The following ORC2 variants were observed in gnomAD, a reference collection of about 807,000 sequenced individuals.
ORC2 encodes origin recognition complex protein 2 homolog.
ORC2 carries 37 observed loss-of-function variants against 77.7 expected under a neutral mutation model. That is an observed-to-expected ratio of 0.48 (90% CI 0.37 to 0.63). The LOEUF (loss-of-function observed/expected upper bound fraction) is 0.63. Among genes scored for constraint, ORC2 ranks in the 20% least tolerant of loss-of-function variants. ORC2 has a pLI of 0.00. For missense variants in ORC2, 557 were observed against 661.9 expected, an observed-to-expected ratio of 0.84 and a Z score of 1.74; for synonymous variants, 201 against 229.5, an observed-to-expected ratio of 0.88 and a Z score of 1.12.
At position 200,932,109 on chromosome 2, in the gene ORC2, G is replaced by A. The variant is rs1048856726; in HGVS notation, c.808-661C>T. 2.0e-5 allele frequency among the ~76,000 whole-genome samples: 3 copies of A among 150,958 alleles called. No homozygotes were observed. The East Asian group carries it at 6.0e-4, about 30-fold the overall frequency. ...TTCCAGGTACTCTGGCTTGTACTGT[G>A]TTTATTTAGTCACAGTTAAAGCAAA... On this transcript the variant is annotated intron_variant, in intron 10 of 17. Coordinates refer to ENST00000234296, the MANE Select transcript of ORC2 (RefSeq NM_006190.5).
chr2:200,952,152 A>C (rs1481429702), intron 4 of ORC2, among the ~76,000 whole-genome samples: 4 of 152,060 alleles, frequency 2.6e-5, no homozygotes, highest in African/African-American at 4.8e-5. Context: ...TCTAGTTTTC[A>C]TATATGCACA....
chr2:200,918,591 C>T (rs1325920277), intron 15 of ORC2, among the ~76,000 whole-genome samples: 1 of 148,832 alleles, frequency 6.7e-6, no homozygotes, highest in Non-Finnish European at 1.5e-5. Flanking sequence ...TGGGTTCAAG[C>T]GATTCTCCCA....
chr2:200,925,955 G>A (rs1427062628), intron 12 of ORC2, 23 bp from the exon 13 acceptor site: 1 of 1,038,468 alleles, frequency 9.6e-7, no homozygotes, highest in Non-Finnish European at 1.5e-6. Context: ...TGTGGAAGAG[G>A]TACCACATTA....
intron 6 of ORC2, among the ~76,000 whole-genome samples, chr2:200,941,495 T>TAAAAAAAAAAAAAAAA (rs762042280): frequency 9.5e-6 from 1 of 105,070 alleles, no homozygotes; most frequent in Non-Finnish European, 2.1e-5. Context: ...AATTAAAAAT[T>TAAAAAAAAAAAAAAAA]AAAAAAAAAA....
At chr2:200,953,384 C>CG (rs980585548) in intron 4 of ORC2, among the ~76,000 whole-genome samples, 1 of 150,292 alleles carries the variant, frequency 6.7e-6, no homozygotes, top group African/African-American at 2.4e-5. Flanking sequence ...ATAAAACCAC[C>CG]GCCTCATATC....
In ORC2 at chr2:200,945,146, T is replaced by C. The variant is rs3963301; in HGVS notation, c.329-2369A>G. 4.3e-3 allele frequency among the ~76,000 whole-genome samples: 651 copies of C among 152,368 alleles called. 4 individuals are homozygous for C. The highest frequency in any genetic ancestry group is 6.6e-3 in the Non-Finnish European group (452 of 68,034). ...GCTGACCTTTGCTCTGTATTAATCA[T>C]CTACATGCACACTTTCAATGCATGT... On this transcript the variant is annotated intron_variant, in intron 5 of 17. Coordinates refer to ENST00000234296, the MANE Select transcript of ORC2 (RefSeq NM_006190.5).
At chr2:200,917,152 G>A (rs2040671073) in intron 15 of ORC2, among the ~76,000 whole-genome samples, 4 of 151,638 alleles carry the variant, frequency 2.6e-5, no homozygotes. Context: ...GCACCACCAT[G>A]CCCAGCTGAT....
At chr2:200,914,791 T>A (rs1441160633) in intron 15 of ORC2, among the ~76,000 whole-genome samples, 2 of 152,002 alleles carry the variant, frequency 1.3e-5, no homozygotes, top group Non-Finnish European at 2.9e-5. Flanking sequence ...TTTAGGTTAG[T>A]GTTGGTAGAA....
At chr2:200,918,483 T>C (rs913161199) in intron 15 of ORC2, among the ~76,000 whole-genome samples, 2 of 151,892 alleles carry the variant, frequency 1.3e-5, no homozygotes, top group African/African-American at 4.8e-5. Flanking sequence ...TTTTTTCTTT[T>C]TTCTTCTTTC....
chr2:200,935,218 G>A (rs1383481664), intron 9 of ORC2, among the ~76,000 whole-genome samples: 1 of 152,144 alleles, frequency 6.6e-6, no homozygotes, highest in Admixed American at 6.5e-5. Context: ...TGCCTCCTGG[G>A]TTCCAGCAAT....
chr2:200,956,690 T>G (rs920087053), intron 4 of ORC2, among the ~76,000 whole-genome samples: 4 of 152,128 alleles, frequency 2.6e-5, no homozygotes, highest in Admixed American at 2.6e-4. Flanking sequence ...GAGGATCTCC[T>G]GAACCCAGAA....
rs780424764 is a variant in ORC2 at position 200,911,334 on chromosome 2, A to G, written c.1701T>C (p.Thr567=). Residue 567 remains threonine (T), a synonymous_variant, in exon 18 of 18, where the codon ACT becomes ACC. Coordinates refer to ENST00000234296, the MANE Select transcript of ORC2 (RefSeq NM_006190.5). ...CCTCTTCTTCCTTTTCCAAGAAATCAGTCAATGTTCCATTATCAACAGGAA... is the reference window on the plus strand; with the variant it reads ...CCTCTTCTTCCTTTTCCAAGAAATCGGTCAATGTTCCATTATCAACAGGAA... ...LLIPVDNGTL[T]DFLEKEEEEA 1 of 1,609,566 alleles carries G rather than the reference A, an allele frequency of 6.2e-7. No homozygotes were observed. The highest frequency in any genetic ancestry group is 1.1e-5 in the South Asian group (1 of 90,962).
intron 1 of ORC2, among the ~76,000 whole-genome samples, chr2:200,961,351 G>C (rs1245016970): frequency 6.6e-6 from 1 of 151,216 alleles, no homozygotes; most frequent in Non-Finnish European, 1.5e-5. Flanking sequence ...TGTAGAGACG[G>C]GGTTTCCCCA....
chr2:200,935,273 T>A (rs1054995120), intron 9 of ORC2, among the ~76,000 whole-genome samples: 10 of 152,092 alleles, frequency 6.6e-5, no homozygotes, highest in Non-Finnish European at 1.3e-4. Flanking sequence ...CAGGCACACA[T>A]CACCACACCT....
In ORC2 at chr2:200,921,089, A is replaced by T. The variant is rs1278217197; in HGVS notation, c.1198T>A (p.Leu400Met). The change falls in exon 14 of 18, where the codon TTG (leucine) becomes ATG (methionine). Residue 400 changes from leucine (L) to methionine (M), a missense_variant. By Grantham distance (15) the Leu-to-Met change is conservative. Coordinates refer to ENST00000234296, the MANE Select transcript of ORC2 (RefSeq NM_006190.5). ...ATTTGCTGGCTCTTCTCTCCTCTCAACATCTGGCTATCCAAATTGTGGATG... is the reference window on the plus strand; with the variant it reads ...ATTTGCTGGCTCTTCTCTCCTCTCATCATCTGGCTATCCAAATTGTGGATG... ...LLIHNLDSQM[L>M]RGEKSQQIIG... 1 of 1,609,220 alleles carries T rather than the reference A, an allele frequency of 6.2e-7. No homozygotes were observed. The highest frequency in any genetic ancestry group is 1.7e-5 in the Admixed American group (1 of 59,912).
At chr2:200,945,260 T>C (rs2041230811) in intron 5 of ORC2, among the ~76,000 whole-genome samples, 1 of 152,186 alleles carries the variant, frequency 6.6e-6, no homozygotes, top group Admixed American at 6.5e-5. Context: ...TTGACTCTAT[T>C]AATAGAAAAT....
intron 4 of ORC2, among the ~76,000 whole-genome samples, chr2:200,956,646 A>G (rs1039846964): frequency 6.6e-6 from 1 of 152,148 alleles, no homozygotes; most frequent in African/African-American, 2.4e-5. Context: ...AAATACCTTA[A>G]AAATAGTACT....
intron 15 of ORC2, among the ~76,000 whole-genome samples, chr2:200,917,554 ATGG>A (rs2040677628): frequency 6.6e-6 from 1 of 152,224 alleles, no homozygotes; most frequent in Non-Finnish European, 1.5e-5. Flanking sequence ...TCTTGTGGTG[ATGG>A]TACAGCTGAG....
intron 4 of ORC2, among the ~76,000 whole-genome samples, chr2:200,954,555 A>G (rs2041429641): frequency 6.6e-6 from 1 of 152,214 alleles, no homozygotes; most frequent in South Asian, 2.1e-4. Context: ...CAGAAGATAC[A>G]CACTGAAATG....
Sources: allele counts gnomAD v4.1 joint callset (sites outside exome capture counted in the v4.1 genomes callset), GRCh38; gene constraint gnomAD v4.1.1; transcripts MANE v1.5; gene names NCBI Gene and HGNC (gene_info 2026-07-23, HGNC 2026-07-21).